SCRN1: variants seen among roughly 807,000 people sequenced by gnomAD.
The protein encoded by SCRN1 is secernin-1.
Under a neutral mutation model 43.3 loss-of-function variants are expected in SCRN1, and 19 were observed. The ratio of observed to expected loss-of-function variants is 0.44; its 90% confidence interval spans 0.31 to 0.64. SCRN1 has a LOEUF of 0.64. Ranked by LOEUF, SCRN1 falls within the 30% of genes least tolerant of loss-of-function variation. The pLI is 0.09. For synonymous variants in SCRN1, 183 were observed against 188.9 expected, an observed-to-expected ratio of 0.97 and a Z score of 0.26; for missense variants, 447 against 524.1, an observed-to-expected ratio of 0.85 and a Z score of 1.44.
intron 1 of SCRN1, 68 bp from the exon 2 acceptor site, chr7:29,969,136 A>G: frequency 6.5e-7 from 1 of 1,541,812 alleles, no homozygotes; most frequent in South Asian, 1.2e-5. Context: ...TGAGTTCTTC[A>G]AACATATTTC....
At position 29,969,036 on chromosome 7, in the gene SCRN1, A is replaced by G. The variant is rs1788586741; in HGVS notation, c.32T>C (p.Val11Ala). Residue 11 changes from valine to alanine, a missense_variant, in exon 2 of 8, where the codon GTT (valine) becomes GCT (alanine). Physicochemically the swap from Val to Ala is moderately conservative, Grantham distance 64 (BLOSUM62 0). Transcript: ENST00000242059. MAAAPPSYCF[V>A]AFPPRAKDGL... ...ATCCTTAGCACGTGGAGGGAAGGCA[A>G]CAAAACAGTAACTTGGAGGAGCTGC... 2 of 1,613,886 alleles carry G rather than the reference A, an allele frequency of 1.2e-6. No individual in the cohort carries two copies. The highest frequency in any genetic ancestry group is 1.7e-5 in the Admixed American group (1 of 59,966).
intron 1 of SCRN1, among the ~76,000 whole-genome samples, chr7:29,974,685 C>CTTTTTTT (rs1183202361): frequency 3.7e-5 from 5 of 134,212 alleles, no homozygotes; most frequent in East Asian, 2.1e-4. Flanking sequence ...TTCTTTCTTT[C>CTTTTTTT]TTTTTTTTTT....
In SCRN1 at chr7:29,926,553, C is replaced by A; in HGVS notation, c.985G>T (p.Asp329Tyr). The A allele has an allele frequency of 6.2e-7, 1 of 1,614,090 alleles. No individual in the cohort carries two copies. Among genetic ancestry groups the A allele is most frequent in the Non-Finnish European group, 8.5e-7 (1 of 1,180,038 alleles). ...KTQSPCFGDD[D>Y]PAKKEPRFQE... ...AACCGAGGCTCCTTTTTGGCAGGGT[C>A]GTCATCCCCAAAACAGGGAGACTGT... The change falls in exon 7 of 8, where the codon GAC becomes TAC. Residue 329 changes from aspartate to tyrosine, a missense_variant. Physicochemically the swap from Asp to Tyr is radical, Grantham distance 160. Coordinates refer to ENST00000242059, the MANE Select transcript of SCRN1 (RefSeq NM_014766.5).
chr7:29,958,849 T>A (rs1327432865), intron 2 of SCRN1, among the ~76,000 whole-genome samples: 1 of 152,126 alleles, frequency 6.6e-6, no homozygotes, highest in Non-Finnish European at 1.5e-5. Flanking sequence ...TGGGCAAGCA[T>A]TCTTCTAAAT....
intron 6 of SCRN1, among the ~76,000 whole-genome samples, chr7:29,933,548 C>G (rs549083537): frequency 1.6e-4 from 25 of 152,332 alleles, no homozygotes; most frequent in African/African-American, 6.0e-4. Flanking sequence ...AACCAGTATA[C>G]TAAAGCCAAT....
chr7:29,924,125 G>C lies in SCRN1; in HGVS notation c.1087-10C>G, dbSNP rs745597388. ...GCTTGCGACCTTGCTCCTGAGGAAGGACACGACTGCTTTAGGTGTCAGCAA... is the reference window on the plus strand; with the variant it reads ...GCTTGCGACCTTGCTCCTGAGGAAGCACACGACTGCTTTAGGTGTCAGCAA... On this transcript the variant is annotated splice_polypyrimidine_tract_variant and intron_variant, in intron 7 of 7. Transcript: ENST00000242059. The C allele has an allele frequency of 1.2e-6, 2 of 1,607,800 alleles. No homozygotes were observed. Among genetic ancestry groups the C allele is most frequent in the South Asian group, 2.2e-5 (2 of 89,990 alleles).
intron 3 of SCRN1, among the ~76,000 whole-genome samples, chr7:29,948,495 A>G (rs1787808369): frequency 6.6e-6 from 1 of 152,228 alleles, no homozygotes; most frequent in African/African-American, 2.4e-5. Flanking sequence ...CCTAAAGACA[A>G]ACTACAGACC....
At chr7:29,971,692 A>C (rs1788670721) in intron 1 of SCRN1, among the ~76,000 whole-genome samples, 1 of 152,174 alleles carries the variant, frequency 6.6e-6, no homozygotes, top group Non-Finnish European at 1.5e-5. Flanking sequence ...GCAATATCTA[A>C]AATTTTCTAT....
At chr7:29,970,969 GACTGATGCCATCCA>G (rs1384878051) in intron 1 of SCRN1, among the ~76,000 whole-genome samples, 1 of 152,136 alleles carries the variant, frequency 6.6e-6, no homozygotes, top group Non-Finnish European at 1.5e-5. Flanking sequence ...CTGAAGGCAG[GACTGATGCCATCCA>G]ACCATAGTAG....
At chr7:29,928,502 T>C (rs1020035322) in intron 6 of SCRN1, among the ~76,000 whole-genome samples, 4 of 152,220 alleles carry the variant, frequency 2.6e-5, no homozygotes, top group African/African-American at 9.6e-5. Flanking sequence ...GAGACCTTCG[T>C]ACCCCAAGCT....
chr7:29,947,446 A>T, intron 3 of SCRN1: 1 of 1,259,246 alleles, frequency 7.9e-7, no homozygotes, highest in African/African-American at 1.5e-5. Context: ...TTCTATCTCA[A>T]ATCAGGTAAA....
chr7:29,926,638 G>A lies in SCRN1; in HGVS notation c.906-6C>T. The A allele has an allele frequency of 1.2e-6, 2 of 1,610,150 alleles. No individual in the cohort carries two copies. Among genetic ancestry groups the A allele is most frequent in the Non-Finnish European group, 1.7e-6 (2 of 1,177,068 alleles). ...TGAAAGGCTTGAATATGGACCTGGA[G>A]AGGAAGGAGAGGCACTTCAGCCAGG... On this transcript the variant is annotated splice_polypyrimidine_tract_variant and splice_region_variant and intron_variant, in intron 6 of 7. Transcript: ENST00000242059.
At chr7:29,947,793 G>A (rs116313112) in intron 3 of SCRN1, among the ~76,000 whole-genome samples, 1,940 of 152,336 alleles carry the variant, frequency 0.013, 36 homozygotes, top group African/African-American at 0.045. Context: ...ATGAGGTCAT[G>A]AGGGGTGGAG....
At chr7:29,956,805 G>C (rs1408140697) in intron 2 of SCRN1, among the ~76,000 whole-genome samples, 1 of 152,026 alleles carries the variant, frequency 6.6e-6, no homozygotes, top group Non-Finnish European at 1.5e-5. Context: ...ATATACTCAA[G>C]ATTTTCCCTC....
At chr7:29,932,503 T>C (rs569863046) in intron 6 of SCRN1, among the ~76,000 whole-genome samples, 6 of 151,418 alleles carry the variant, frequency 4.0e-5, no homozygotes, top group Non-Finnish European at 7.4e-5. Context: ...AAATAAAAAA[T>C]TAGCCGGGTG....
chr7:29,955,584 A>G (rs892962579), intron 2 of SCRN1, among the ~76,000 whole-genome samples: 3 of 152,242 alleles, frequency 2.0e-5, no homozygotes, highest in Non-Finnish European at 2.9e-5. Flanking sequence ...TGCTCACGTA[A>G]TAGGGCAATC....
intron 1 of SCRN1, among the ~76,000 whole-genome samples, chr7:29,985,730 C>T (rs1332194051): frequency 1.3e-5 from 2 of 152,230 alleles, no homozygotes; most frequent in African/African-American, 4.8e-5. Flanking sequence ...TGTGCTTATT[C>T]TGCTTCATAG....
At chr7:29,966,586 A>G (rs1471702705) in intron 2 of SCRN1, among the ~76,000 whole-genome samples, 1 of 152,256 alleles carries the variant, frequency 6.6e-6, no homozygotes, top group African/African-American at 2.4e-5. Context: ...TTGGACCCAA[A>G]TAACATGGAC....
rs1222991156 is a variant in SCRN1, at chr7:29,920,911, T to C, written c.*3046A>G. 1 of 152,324 alleles carries C rather than the reference T, an allele frequency of 6.6e-6. No individual in the cohort carries two copies. The highest frequency in any genetic ancestry group is 1.5e-5 in the Non-Finnish European group (1 of 68,042). 9.4% of individuals were successfully genotyped at this position (152,324 alleles called of 1,614,324 possible). On this transcript the variant is annotated 3_prime_UTR_variant, in exon 8 of 8. Transcript: ENST00000242059. Reference sequence around the variant, plus strand: ...GACTCGTTCTAATAACACCAGGTCTTATATTATTGAGCACTAAGGAACCTC... The same window carrying C: ...GACTCGTTCTAATAACACCAGGTCTCATATTATTGAGCACTAAGGAACCTC...
Sources: allele counts gnomAD v4.1 joint callset (sites outside exome capture counted in the v4.1 genomes callset), GRCh38; gene constraint gnomAD v4.1.1; transcripts MANE v1.5; gene names NCBI Gene and HGNC (gene_info 2026-07-23, HGNC 2026-07-21).